The following MALRD1 variants were observed in gnomAD, a reference collection of about 807,000 sequenced individuals.
MALRD1 encodes MAM and LDL-receptor class A domain-containing protein 1.
MALRD1 carries 247 observed loss-of-function variants against 242.1 expected under a neutral mutation model. That is an observed-to-expected ratio of 1.02 (90% CI 0.92 to 1.13). The LOEUF (loss-of-function observed/expected upper bound fraction) is 1.13. Among genes scored for constraint, MALRD1 ranks in the 50% most tolerant of loss-of-function variants. The pLI, the probability that MALRD1 is intolerant of heterozygous loss-of-function variation, is 0.00. For synonymous variants in MALRD1, 995 were observed against 866.6 expected, an observed-to-expected ratio of 1.15 and a Z score of -2.60; for missense variants, 2,989 against 2,533.1, an observed-to-expected ratio of 1.18 and a Z score of -3.86.
chr10:19,203,960 G>A (rs1044840356), intron 15 of MALRD1, 80 bp downstream of exon 15: 13 of 1,482,364 alleles, frequency 8.8e-6, no homozygotes, highest in African/African-American at 8.4e-5. Flanking sequence ...AAGCTAGTAC[G>A]GTTCTGTGAT....
chr10:19,151,575 T>G (rs1481306419), intron 11 of MALRD1, among the ~76,000 whole-genome samples: 2 of 152,170 alleles, frequency 1.3e-5, no homozygotes, highest in Non-Finnish European at 2.9e-5. Context: ...TGAATAGAAC[T>G]GGTGGTAGCT....
At chr10:19,389,164 T>C (rs1846222878) in intron 27 of MALRD1, 2 of 475,774 alleles carry the variant, frequency 4.2e-6, no homozygotes, top group African/African-American at 2.0e-5. Flanking sequence ...TTGGGAAATC[T>C]ATAAAATAAT....
At chr10:19,200,901 G>A (rs1390373004) in intron 14 of MALRD1, among the ~76,000 whole-genome samples, 1 of 151,904 alleles carries the variant, frequency 6.6e-6, no homozygotes, top group Non-Finnish European at 1.5e-5. Flanking sequence ...AGTACAGACA[G>A]GCATAATTTT....
intron 33 of MALRD1, among the ~76,000 whole-genome samples, chr10:19,582,476 G>A (rs1362085293): frequency 2.8e-5 from 4 of 142,552 alleles, no homozygotes; most frequent in African/African-American, 1.0e-4. Flanking sequence ...TTATTAACTA[G>A]GGAATCCTTT....
At chr10:19,286,361 G>A (rs1298363540) in intron 21 of MALRD1, among the ~76,000 whole-genome samples, 1 of 149,318 alleles carries the variant, frequency 6.7e-6, no homozygotes, top group East Asian at 2.0e-4. Context: ...TCCAGTTTTT[G>A]CCCATTCAGT....
chr10:19,526,239 A>G (rs1028217903), intron 31 of MALRD1, among the ~76,000 whole-genome samples: 1 of 152,060 alleles, frequency 6.6e-6, no homozygotes, highest in Non-Finnish European at 1.5e-5. Context: ...TATTTCTGAA[A>G]GTATAATTCA....
chr10:19,609,157 A>C (rs532802777), intron 35 of MALRD1, among the ~76,000 whole-genome samples: 1 of 152,062 alleles, frequency 6.6e-6, no homozygotes, highest in Non-Finnish European at 1.5e-5. Flanking sequence ...ACCCAGCCAT[A>C]GACAATCTGT....
chr10:19,158,994 T>A (rs12570966), intron 12 of MALRD1, among the ~76,000 whole-genome samples: 29,775 of 152,152 alleles, frequency 0.2, 3,505 homozygotes, highest in East Asian at 0.32. Flanking sequence ...AATGTTAGAA[T>A]AGCTGATGGA....
chr10:19,634,910 G>T (rs1297426514), intron 36 of MALRD1, among the ~76,000 whole-genome samples: 6 of 152,120 alleles, frequency 3.9e-5, no homozygotes, highest in Non-Finnish European at 8.8e-5. Context: ...TGAAATAGAG[G>T]TTCACCAGAT....
intron 33 of MALRD1, among the ~76,000 whole-genome samples, chr10:19,593,455 A>G (rs1837921444): frequency 6.6e-6 from 1 of 152,210 alleles, no homozygotes; most frequent in Non-Finnish European, 1.5e-5. Context: ...TATCATCTTT[A>G]CATATAACAC....
intron 29 of MALRD1, chr10:19,489,219 C>T (rs1318519348): frequency 6.3e-6 from 3 of 474,430 alleles, no homozygotes; most frequent in Admixed American, 2.3e-5. Context: ...AAAAAGGCAG[C>T]AGCGAAGGAT....
At chr10:19,048,384 A>T (rs1274768841), upstream of MALRD1, among the ~76,000 whole-genome samples, 1 of 152,230 alleles carries the variant, frequency 6.6e-6, no homozygotes, top group Non-Finnish European at 1.5e-5. Context: ...ACAAAAGAAG[A>T]CAAAAACAAG....
rs80349445 is a variant in MALRD1, at chr10:19,513,336, A to G, written c.5320+14690A>G. Among the ~76,000 whole-genome samples the G allele has an allele frequency of 2.4e-3, 369 of 151,514 alleles. 7 individuals carry two copies. The East Asian group carries it at 0.051, about 21-fold the overall frequency. ...AGGTTCCCTTTTTCCTTCTTTCATG[A>G]CCATAAGCTTCCTGAGGCCTCACCA... On this transcript the variant is annotated intron_variant, in intron 31 of 39. Coordinates refer to ENST00000454679, the MANE Select transcript of MALRD1 (RefSeq NM_001142308.3).
At chr10:19,165,410 C>T (rs1414826222) in intron 12 of MALRD1, among the ~76,000 whole-genome samples, 1 of 151,494 alleles carries the variant, frequency 6.6e-6, no homozygotes, top group Non-Finnish European at 1.5e-5. Context: ...TCAAGTGATT[C>T]TTCTACCTCA....
Position 19,280,149 on chromosome 10 carries a change from G to A in MALRD1, c.3182G>A (p.Gly1061Asp). The A allele has an allele frequency of 6.5e-7, 1 of 1,544,542 alleles. No individual in the cohort carries two copies. The highest frequency in any genetic ancestry group is 1.4e-5 in the African/African-American group (1 of 72,836). ...AATGAATTTATCTGCAGGTCTGATG[G>A]TCACTGCATTGAAAAAATGCAGAAA... ...TDNEFICRSD[G>D]HCIEKMQKCD... is the part of the protein sequence containing the mutation. Residue 1061 changes from glycine (G) to aspartate (D), a missense_variant, in exon 20 of 40, where the codon GGT becomes GAT. Physicochemically the swap from Gly to Asp is moderately conservative, Grantham distance 94. Coordinates refer to ENST00000454679, the MANE Select transcript of MALRD1 (RefSeq NM_001142308.3).
At chr10:19,459,415 T>C (rs977636324) in intron 29 of MALRD1, among the ~76,000 whole-genome samples, 1 of 152,280 alleles carries the variant, frequency 6.6e-6, no homozygotes, top group East Asian at 1.9e-4. Flanking sequence ...CTTGAATTGA[T>C]TTGAGACAGG....
In MALRD1 at chr10:19,086,445, C is replaced by T. The variant is rs189886104; in HGVS notation, c.341-1395C>T. ...GGTTCTCAGATTATATGCTAGAACT[C>T]ACAATAAAGCATCACAGGAAATCTA... On this transcript the variant is annotated intron_variant, in intron 2 of 39. Transcript: ENST00000454679. 5.2e-3 allele frequency among the ~76,000 whole-genome samples: 791 copies of T among 152,090 alleles called. 5 individuals are homozygous for T. The highest frequency in any genetic ancestry group is 0.018 in the African/African-American group (766 of 41,510).
intron 28 of MALRD1, among the ~76,000 whole-genome samples, chr10:19,444,607 A>C (rs2483080): frequency 0.71 from 107,403 of 151,992 alleles, 38,038 homozygotes; most frequent in Non-Finnish European, 0.74. Flanking sequence ...GTTGAAAATT[A>C]TTTTCTTTAA....
Position 19,614,285 on chromosome 10 carries a change from G to T in MALRD1, c.6071-1572G>T, listed in dbSNP as rs901402700. On this transcript the variant is annotated intron_variant, in intron 35 of 39. Transcript: ENST00000454679. The stretch of plus-strand genomic sequence containing the variant: ...GAGCAACTGGGCTCCTGTGCCCTCA[G>T]TGTGAACAACTATACTAAGATGTCT... 4.6e-5 allele frequency among the ~76,000 whole-genome samples: 7 copies of T among 152,122 alleles called. No homozygotes were observed. In the South Asian group the frequency reaches 6.2e-4, roughly 14 times the overall value.
Sources: gnomAD v4.1 joint callset for allele counts (sites outside exome capture counted in the v4.1 genomes callset) on GRCh38, gnomAD v4.1.1 for gene constraint, MANE v1.5 for transcripts, NCBI Gene and HGNC (gene_info 2026-07-23, HGNC 2026-07-21) for gene names.